LZTS1: variants seen among roughly 807,000 people sequenced by gnomAD.
LZTS1 encodes the protein leucine zipper putative tumor suppressor 1.
A neutral mutation model predicts 45.8 loss-of-function variants in LZTS1; 31 were observed. The ratio of observed to expected loss-of-function variants is 0.68; its 90% CI spans 0.51 to 0.91. The LOEUF (loss-of-function observed/expected upper bound fraction) is 0.91, where lower values mean the gene tolerates loss of function less well. Ranked by LOEUF, LZTS1 falls within the 40% of genes least tolerant of loss-of-function variation. LZTS1 has a pLI of 0.00. For synonymous variants in LZTS1, 359 were observed against 357.3 expected (o/e 1.00, Z -0.05); for missense variants, 821 against 788.9 (o/e 1.04, Z -0.49).
chr8:20,287,114 C>T (rs909496541), intron 1 of LZTS1, among the ~76,000 whole-genome samples: 8 of 152,192 alleles, frequency 5.3e-5, no homozygotes, highest in South Asian at 2.1e-4. Context: ...AATAATCCTA[C>T]GAGGTGGTTC....
intron 2 of LZTS1, among the ~76,000 whole-genome samples, chr8:20,254,184 G>A (rs193100598): frequency 5.1e-4 from 78 of 152,310 alleles, no homozygotes; most frequent in African/African-American, 1.8e-3. Flanking sequence ...ATTTCCCCAG[G>A]GCAAGGGGCA....
Position 20,249,762 on chromosome 8 carries a change from G to A in LZTS1, c.1751C>T (p.Ala584Val). ...GEPLEVDLEG[A>V]DIPYEDIIAT... ...TATGATGTCCTCGTAGGGGATGTCA[G>A]CCCCTTCCAGGTCAACCTCCAAGGG... Residue 584 changes from alanine (A) to valine (V), a missense_variant, in exon 4 of 4, where the codon GCT becomes GTT. Physicochemically the swap from Ala to Val is moderately conservative, Grantham distance 64. Transcript: ENST00000381569. 1.2e-6 allele frequency: 2 copies of A among 1,612,358 alleles called. No individual in the cohort carries two copies. Among genetic ancestry groups the A allele is most frequent in the Non-Finnish European group, 1.7e-6 (2 of 1,179,904 alleles).
In LZTS1 at chr8:20,268,467, T is replaced by A. The variant is rs776407484; in HGVS notation, c.-134-13152A>T. The stretch of plus-strand genomic sequence containing the variant: ...TTTCCTTATCTGGAATTCCTCCTCC[T>A]GTTTGTATTCCTTGTCCTTGACCCT... On this transcript the variant is annotated intron_variant, in intron 1 of 3. Coordinates refer to ENST00000381569, the MANE Select transcript of LZTS1 (RefSeq NM_021020.5). Among the ~76,000 whole-genome samples, 76 of 151,912 alleles carry A rather than the reference T, an allele frequency of 5.0e-4. 1 individual carries two copies. Among genetic ancestry groups the A allele is most frequent in the Middle Eastern group, 3.4e-3 (1 of 294 alleles).
At chr8:20,298,876 TA>T (rs1801021515) in intron 1 of LZTS1, among the ~76,000 whole-genome samples, 1 of 151,958 alleles carries the variant, frequency 6.6e-6, no homozygotes, top group Non-Finnish European at 1.5e-5. Context: ...ATCTTGTCTC[TA>T]AAAAACAAAC....
intron 2 of LZTS1, among the ~76,000 whole-genome samples, chr8:20,253,791 G>A (rs1425029010): frequency 6.6e-6 from 1 of 152,148 alleles, no homozygotes; most frequent in Admixed American, 6.5e-5. Flanking sequence ...AACCCTAATG[G>A]CGACTTGGGC....
In LZTS1 at chr8:20,252,993, C is replaced by T. The variant is rs1255843822; in HGVS notation, c.938G>A (p.Gly313Asp). 2 of 1,590,066 alleles carry T rather than the reference C, an allele frequency of 1.3e-6. No individual in the cohort carries two copies. The highest frequency in any genetic ancestry group is 1.7e-6 in the Non-Finnish European group (2 of 1,168,766). Residue 313 changes from glycine to aspartate, a missense_variant, in exon 3 of 4, where the codon GGC becomes GAC. Coordinates refer to ENST00000381569, the MANE Select transcript of LZTS1 (RefSeq NM_021020.5). ...RDELEGPEPKGGNKLKQASQK... is the reference protein window; with the variant it reads ...RDELEGPEPKDGNKLKQASQK... The stretch of plus-strand genomic sequence containing the variant: ...CGAGGCCTGCTTGAGCTTGTTGCCG[C>T]CTTTGGGCTCCGGGCCCTCCAGCTC...
At chr8:20,252,536 C>G (rs971500319) in intron 3 of LZTS1, among the ~76,000 whole-genome samples, 1 of 152,204 alleles carries the variant, frequency 6.6e-6, no homozygotes, top group Admixed American at 6.5e-5. Flanking sequence ...GATTTAATGG[C>G]TCACTTGGGA....
intron 1 of LZTS1, among the ~76,000 whole-genome samples, chr8:20,271,982 T>G (rs1431740311): frequency 6.6e-6 from 1 of 152,202 alleles, no homozygotes; most frequent in African/African-American, 2.4e-5. Flanking sequence ...GAACAGCCAC[T>G]GGAGGGGTGA....
At chr8:20,260,670 G>A (rs1430468012) in intron 1 of LZTS1, among the ~76,000 whole-genome samples, 1 of 152,226 alleles carries the variant, frequency 6.6e-6, no homozygotes, top group Non-Finnish European at 1.5e-5. Flanking sequence ...ATGCCAACAA[G>A]ATTGTAGGCA....
intron 2 of LZTS1, 42 bp from the exon 3 acceptor site, chr8:20,253,627 G>A (rs143470002): frequency 0.013 from 18,041 of 1,396,602 alleles, 154 homozygotes; most frequent in Non-Finnish European, 0.015. Context: ...CCTCCCCTGC[G>A]CGCGCATTGC....
chr8:20,253,402 TCCGGCCGGAGTCTGACAGCGCC>T lies in LZTS1; in HGVS notation c.507_528del (p.Ala170ThrfsTer48). Reference sequence around the variant, plus strand: ...TGTGTGGGCAGGCTGGACATGGAGTTCCGGCCGGAGTCTGACAGCGCCCCAGAGCACAGGCCAGGCTTCAGCT... The same window carrying T: ...TGTGTGGGCAGGCTGGACATGGAGTTCCAGAGCACAGGCCAGGCTTCAGCT... On this transcript the variant is annotated frameshift_variant, in exon 3 of 4. Coordinates refer to ENST00000381569, the MANE Select transcript of LZTS1 (RefSeq NM_021020.5). LOFTEE classifies it high-confidence loss of function. The T allele has an allele frequency of 6.2e-7, 1 of 1,612,112 alleles. No homozygotes were observed. The highest frequency in any genetic ancestry group is 8.5e-7 in the Non-Finnish European group (1 of 1,178,820).
rs1361418362 is a variant in LZTS1, at chr8:20,296,370, G to A, written c.-135+7370C>T. Among the ~76,000 whole-genome samples the A allele has an allele frequency of 2.0e-5, 3 of 152,188 alleles. 1 individual carries two copies. Among genetic ancestry groups the A allele is most frequent in the South Asian group, 4.1e-4 (2 of 4,832 alleles). ...ACCTCCTTGAGGGGCCCCAGTTCTT[G>A]TACCCCTCTTAGGCTGAAAGTCTCA... On this transcript the variant is annotated intron_variant, in intron 1 of 3. Transcript: ENST00000381569.
At chr8:20,283,287 G>A (rs1240879537) in intron 1 of LZTS1, among the ~76,000 whole-genome samples, 2 of 152,148 alleles carry the variant, frequency 1.3e-5, no homozygotes, top group Non-Finnish European at 2.9e-5. Flanking sequence ...AGGTGATTAG[G>A]TCATGAGGGT....
chr8:20,256,207 A>AAGCAG (rs1156518545), intron 1 of LZTS1, among the ~76,000 whole-genome samples: 1 of 152,056 alleles, frequency 6.6e-6, no homozygotes, highest in East Asian at 1.9e-4. Context: ...GCTGTGTGAG[A>AAGCAG]CCCACATGGG....
Position 20,249,998 on chromosome 8 carries a change from C to T in LZTS1, c.1515G>A (p.Glu505=), listed in dbSNP as rs976274428. Residue 505 remains glutamate, a synonymous_variant, in exon 4 of 4, where the codon GAG becomes GAA. Transcript: ENST00000381569. ...CCTCCCGCAGCTCGGCCCGCAGCCG[C>T]TCCAGCTCCCGCTGCAGGGCAGGGA... ...EDVPALQREL[E]RLRAELREER... The T allele has an allele frequency of 1.9e-6, 3 of 1,613,242 alleles. No individual in the cohort carries two copies. The highest frequency in any genetic ancestry group is 2.7e-5 in the African/African-American group (2 of 74,936).
rs770286406 is a variant in LZTS1 at position 20,249,794 on chromosome 8, G to A, written c.1719C>T (p.Ala573=). The A allele has an allele frequency of 1.6e-5, 26 of 1,613,848 alleles. No homozygotes were observed. The highest frequency in any genetic ancestry group is 1.3e-4 in the South Asian group (12 of 91,088). The change falls in exon 4 of 4, where the codon GCC becomes GCT. Residue 573 remains alanine, a synonymous_variant. Coordinates refer to ENST00000381569, the MANE Select transcript of LZTS1 (RefSeq NM_021020.5). ...ALQQLARGDS[A]GEPLEVDLEG... Reference sequence around the variant, plus strand: ...CCAGGTCAACCTCCAAGGGCTCCCCGGCGCTGTCCCCACGTGCCAGCTGCT... The same window carrying A: ...CCAGGTCAACCTCCAAGGGCTCCCCAGCGCTGTCCCCACGTGCCAGCTGCT...
chr8:20,256,786 G>GTACT (rs1177426934), intron 1 of LZTS1, among the ~76,000 whole-genome samples: 3 of 152,166 alleles, frequency 2.0e-5, no homozygotes, highest in African/African-American at 7.2e-5. Flanking sequence ...GAGTGATGGA[G>GTACT]AGTAGGCAGG....
At chr8:20,297,011 C>G (rs1026067588) in intron 1 of LZTS1, among the ~76,000 whole-genome samples, 2 of 152,106 alleles carry the variant, frequency 1.3e-5, no homozygotes, top group Non-Finnish European at 2.9e-5. Context: ...CTCCGTCTTC[C>G]GCCTCCCTTC....
At position 20,253,422 on chromosome 8, in the gene LZTS1, G is replaced by A. The variant is rs147520951; in HGVS notation, c.509C>T (p.Ala170Val). ...GGAGTTCCGGCCGGAGTCTGACAGCGCCCCAGAGCACAGGCCAGGCTTCAG... is the reference window on the plus strand; with the variant it reads ...GGAGTTCCGGCCGGAGTCTGACAGCACCCCAGAGCACAGGCCAGGCTTCAG... Reference protein sequence around the residue: ...QELKPGLCSGALSDSGRNSMS... With the variant: ...QELKPGLCSGVLSDSGRNSMS... Residue 170 changes from alanine to valine, a missense_variant, in exon 3 of 4, where the codon GCG (alanine) becomes GTG (valine). Physicochemically the swap from Ala to Val is moderately conservative, Grantham distance 64. Transcript: ENST00000381569. 8.2e-5 allele frequency: 132 copies of A among 1,611,766 alleles called. No individual in the cohort carries two copies. The highest frequency in any genetic ancestry group is 1.1e-4 in the Non-Finnish European group (128 of 1,178,908).
Sources: allele counts gnomAD v4.1 joint callset (sites outside exome capture counted in the v4.1 genomes callset), GRCh38; gene constraint gnomAD v4.1.1; transcripts MANE v1.5; gene names NCBI Gene and HGNC (gene_info 2026-07-23, HGNC 2026-07-21).